Variants in SLC25A13 observed in about 807,000 individuals in gnomAD.
SLC25A13 encodes the protein solute carrier family 25 member 13, also known as electrogenic aspartate/glutamate antiporter SLC25A13, mitochondrial.
In SLC25A13, 70 loss-of-function variants were observed where a neutral mutation model predicts 85.5. The observed-to-expected ratio is 0.82, with a 90% CI of 0.68 to 1.00. SLC25A13 has a LOEUF of 1.00. Ranked by LOEUF, SLC25A13 falls within the 50% of genes least tolerant of loss-of-function variation. The pLI, the probability that SLC25A13 is intolerant of heterozygous loss-of-function variation, is 0.00. For synonymous variants in SLC25A13, 259 were observed against 288.7 expected (o/e 0.90, Z 1.04); for missense variants, 765 against 819.8 (o/e 0.93, Z 0.82).
intron 6 of SLC25A13, among the ~76,000 whole-genome samples, chr7:96,192,108 T>C (rs1294819501): frequency 1.3e-5 from 2 of 152,038 alleles, no homozygotes; most frequent in African/African-American, 4.8e-5. Flanking sequence ...GAAAAGGAGT[T>C]AGATTAACAC....
chr7:96,255,036 A>G (rs949969363), intron 3 of SLC25A13, among the ~76,000 whole-genome samples: 2 of 152,238 alleles, frequency 1.3e-5, no homozygotes, highest in Non-Finnish European at 2.9e-5. Context: ...CTATATATAT[A>G]TTAAGTTGGT....
intron 4 of SLC25A13, among the ~76,000 whole-genome samples, chr7:96,234,059 T>C (rs1372045435): frequency 6.6e-6 from 1 of 152,234 alleles, no homozygotes; most frequent in Non-Finnish European, 1.5e-5. Context: ...AGACAACATA[T>C]GCTGGACACC....
At chr7:96,317,221 C>A (rs1800163287) in intron 1 of SLC25A13, among the ~76,000 whole-genome samples, 1 of 152,074 alleles carries the variant, frequency 6.6e-6, no homozygotes, top group Non-Finnish European at 1.5e-5. Flanking sequence ...CCTGCCTCGG[C>A]CTCCCAAGGT....
chr7:96,185,368 C>T lies in SLC25A13; in HGVS notation c.934-357G>A, dbSNP rs145212069. Among the ~76,000 whole-genome samples the T allele has an allele frequency of 3.4e-3, 507 of 149,970 alleles. 3 individuals carry two copies. The highest frequency in any genetic ancestry group is 0.011 in the African/African-American group (457 of 40,766). On this transcript the variant is annotated intron_variant, in intron 9 of 17. Transcript: ENST00000265631. ...ATCCCAGCACTTTGGGAGGCTGAGG[C>T]GGGCGGATTACCTGAGCACAGGAGT...
intron 3 of SLC25A13, among the ~76,000 whole-genome samples, chr7:96,246,754 G>A (rs1797207736): frequency 6.6e-6 from 1 of 152,106 alleles, no homozygotes; most frequent in African/African-American, 2.4e-5. Flanking sequence ...AAAATTAAAT[G>A]ACTGAAATAG....
chr7:96,296,860 A>T, intron 2 of SLC25A13, 38 bp downstream of exon 2: 1 of 1,560,522 alleles, frequency 6.4e-7, no homozygotes, highest in Non-Finnish European at 8.8e-7. Context: ...ATAGAACACA[A>T]ATCAAACAAG....
At chr7:96,232,252 C>T (rs955933925) in intron 4 of SLC25A13, among the ~76,000 whole-genome samples, 3 of 151,870 alleles carry the variant, frequency 2.0e-5, no homozygotes, top group African/African-American at 4.8e-5. Flanking sequence ...ACTATGCAGT[C>T]ATTAAAAAAA....
intron 5 of SLC25A13, 45 bp downstream of exon 5, chr7:96,208,793 C>T (rs2116716854): frequency 6.2e-7 from 1 of 1,611,404 alleles, no homozygotes; most frequent in Non-Finnish European, 8.5e-7. Flanking sequence ...GTGTGAGCCA[C>T]CGTGCCCGGC....
At position 96,120,367 on chromosome 7, in the gene SLC25A13, A is replaced by G. The variant is rs747643423; in HGVS notation, c.*824T>C. The G allele has an allele frequency of 4.4e-6, 2 of 454,148 alleles. No homozygotes were observed. The highest frequency in any genetic ancestry group is 3.1e-5 in the South Asian group (2 of 64,472). 28.1% of individuals were successfully genotyped at this position (454,148 alleles called of 1,614,324 possible). On this transcript the variant is annotated 3_prime_UTR_variant, in exon 18 of 18. Transcript: ENST00000265631. ...GGATTTTAAAAGCAAGTGGGTACCA[A>G]TGATGGGGAGATGAGGAGAATAGGG...
At chr7:96,177,275 A>C (rs773603074) in intron 11 of SLC25A13, among the ~76,000 whole-genome samples, 4 of 152,220 alleles carry the variant, frequency 2.6e-5, no homozygotes, top group Non-Finnish European at 5.9e-5. Flanking sequence ...GGAAGTGTCC[A>C]GGGGCCCTGT....
Position 96,121,672 on chromosome 7 carries a change from G to A in SLC25A13, c.1824C>T (p.Tyr608=), listed in dbSNP as rs1053861538. Residue 608 remains tyrosine (Y), a synonymous_variant, in exon 17 of 18, where the codon TAC becomes TAT. Transcript: ENST00000265631. The part of the protein sequence containing the change: ...LTYELLQRWF[Y]IDFGGVKPMG... ...ATACTTACACTCCTCCAAAATCAAT[G>A]TAGAACCATCGCTGTAGCAATTCGT... The A allele has an allele frequency of 1.2e-6, 2 of 1,614,040 alleles. No individual in the cohort carries two copies. The highest frequency in any genetic ancestry group is 1.3e-5 in the African/African-American group (1 of 74,908).
chr7:96,237,242 T>C (rs1796778456), intron 3 of SLC25A13, among the ~76,000 whole-genome samples: 1 of 152,224 alleles, frequency 6.6e-6, no homozygotes, highest in African/African-American at 2.4e-5. Context: ...ACTGGTGCTT[T>C]GTGTTTGGCT....
In SLC25A13 at chr7:96,121,309, A is replaced by G. The variant is rs148962110; in HGVS notation, c.1910T>C (p.Val637Ala). ...INLPAPNPDH[V>A]GGYKLAVATF... is the part of the protein sequence containing the mutation. ...AGCAACTGCCAGTTTGTAGCCCCCA[A>G]CGTGATCAGGATTCGGGGCAGGCAG... The change falls in exon 18 of 18, where the codon GTT becomes GCT. Residue 637 changes from valine (V) to alanine (A), a missense_variant. By Grantham distance (64) the Val-to-Ala change is moderately conservative. Coordinates refer to ENST00000265631, the MANE Select transcript of SLC25A13 (RefSeq NM_014251.3). 419 of 1,614,082 alleles carry G rather than the reference A, an allele frequency of 2.6e-4. 1 individual carries two copies. Among genetic ancestry groups the G allele is most frequent in the African/African-American group, 2.1e-3 (158 of 74,998 alleles).
intron 2 of SLC25A13, among the ~76,000 whole-genome samples, chr7:96,289,752 G>T (rs1275472179): frequency 6.6e-6 from 1 of 152,142 alleles, no homozygotes; most frequent in Non-Finnish European, 1.5e-5. Flanking sequence ...AAGAAATACG[G>T]GACTATGTGA....
chr7:96,120,644 A>G lies in SLC25A13; in HGVS notation c.*547T>C, dbSNP rs1208285955. On this transcript the variant is annotated 3_prime_UTR_variant, in exon 18 of 18. Coordinates refer to ENST00000265631, the MANE Select transcript of SLC25A13 (RefSeq NM_014251.3). ...CTCCAATGTGGTTTTCATTACAAAG[A>G]AACATGTTTCACATAAAAGCTTCAT... The G allele has an allele frequency of 2.2e-6, 1 of 454,546 alleles. No homozygotes were observed. Among genetic ancestry groups the G allele is most frequent in the South Asian group, 1.6e-5 (1 of 64,460 alleles). 28.2% of individuals were successfully genotyped at this position (454,546 alleles called of 1,614,324 possible).
intron 7 of SLC25A13, among the ~76,000 whole-genome samples, chr7:96,190,037 AGGT>A (rs904110369): frequency 1.6e-4 from 24 of 151,426 alleles, no homozygotes; most frequent in African/African-American, 5.6e-4. Context: ...ATATTAATTT[AGGT>A]GGTTATATTA....
intron 3 of SLC25A13, among the ~76,000 whole-genome samples, chr7:96,276,241 T>C (rs182702791): frequency 1.1e-3 from 174 of 152,322 alleles, no homozygotes; most frequent in Admixed American, 0.011. Flanking sequence ...TGGTGTTTGA[T>C]TAGCAAGAGT....
At chr7:96,198,250 T>G (rs1288005663) in intron 5 of SLC25A13, among the ~76,000 whole-genome samples, 1 of 152,156 alleles carries the variant, frequency 6.6e-6, no homozygotes, top group Non-Finnish European at 1.5e-5. Flanking sequence ...CACCACCTAC[T>G]GTGCAGGGTT....
chr7:96,141,788 T>A (rs1792576539), intron 14 of SLC25A13, among the ~76,000 whole-genome samples: 1 of 152,334 alleles, frequency 6.6e-6, no homozygotes, highest in East Asian at 1.9e-4. Flanking sequence ...AGTACTTATA[T>A]GTTACCAAGA....
Sources: gnomAD v4.1 joint callset for allele counts (sites outside exome capture counted in the v4.1 genomes callset) on GRCh38, gnomAD v4.1.1 for gene constraint, MANE v1.5 for transcripts, NCBI Gene and HGNC (gene_info 2026-07-23, HGNC 2026-07-21) for gene names.